Variants in NECTIN3 observed in about 807,000 individuals in gnomAD.
NECTIN3 encodes nectin-3.
A neutral mutation model predicts 49.4 loss-of-function variants in NECTIN3; 8 were observed. The ratio of observed to expected loss-of-function variants is 0.16; its 90% CI spans 0.10 to 0.29. The LOEUF (loss-of-function observed/expected upper bound fraction) is 0.29. Among genes scored for constraint, NECTIN3 ranks in the 10% least tolerant of loss-of-function variants. NECTIN3 has a pLI of 1.00. For missense variants in NECTIN3, 581 were observed against 654.6 expected (o/e 0.89, Z 1.23); for synonymous variants, 277 against 241.1 (o/e 1.15, Z -1.38).
chr3:111,087,061 C>T (rs2107379798), intron 1 of NECTIN3, among the ~76,000 whole-genome samples: 1 of 152,010 alleles, frequency 6.6e-6, no homozygotes, highest in South Asian at 2.1e-4. Context: ...ATGTAAAATG[C>T]AATCCATTTT....
Position 111,135,450 on chromosome 3 carries a change from GA to G in NECTIN3, c.*1238del. ...TCTGAATCATTTATCTTTTGAGAAA[GA>G]AATGTTACCTAAACTTCAAATGTGC... is the stretch of plus-strand genomic sequence containing the variant. On this transcript the variant is annotated 3_prime_UTR_variant, in exon 6 of 6. Coordinates refer to ENST00000485303, the MANE Select transcript of NECTIN3 (RefSeq NM_015480.3). The G allele has an allele frequency of 2.1e-6, 2 of 941,604 alleles. No homozygotes were observed. The highest frequency in any genetic ancestry group is 2.5e-6 in the Non-Finnish European group (2 of 790,322). 58.3% of individuals were successfully genotyped at this position (941,604 alleles called of 1,614,324 possible).
rs201236661 is a variant in NECTIN3, at chr3:111,112,005, T to C, written c.161-25T>C. ...GACCACTTTTTTCTATTTTAAAAATTGTAGTACTTTTTTTTCCTCCATAGG... is the reference window on the plus strand; with the variant it reads ...GACCACTTTTTTCTATTTTAAAAATCGTAGTACTTTTTTTTCCTCCATAGG... On this transcript the variant is annotated intron_variant, in intron 1 of 5. Coordinates refer to ENST00000485303, the MANE Select transcript of NECTIN3 (RefSeq NM_015480.3). The C allele has an allele frequency of 8.6e-5, 131 of 1,532,146 alleles. No individual in the cohort carries two copies. The East Asian group carries it at 2.1e-3, about 25-fold the overall frequency. 94.9% of individuals were successfully genotyped at this position (1,532,146 alleles called of 1,614,324 possible).
Position 111,118,964 on chromosome 3 carries a change from G to A in NECTIN3, c.799+12G>A. 1 of 1,551,802 alleles carries A rather than the reference G, an allele frequency of 6.4e-7. No homozygotes were observed. The highest frequency in any genetic ancestry group is 1.4e-5 in the African/African-American group (1 of 73,028). ...ATTAGACATACAGTGTAAGTAAATGGTAACATTTACTTTTTAAATATTTGT... is the reference window on the plus strand; with the variant it reads ...ATTAGACATACAGTGTAAGTAAATGATAACATTTACTTTTTAAATATTTGT... On this transcript the variant is annotated intron_variant, in intron 3 of 5. Coordinates refer to ENST00000485303, the MANE Select transcript of NECTIN3 (RefSeq NM_015480.3).
At chr3:111,093,619 A>G (rs976573142) in intron 1 of NECTIN3, among the ~76,000 whole-genome samples, 1 of 152,016 alleles carries the variant, frequency 6.6e-6, no homozygotes, top group Non-Finnish European at 1.5e-5. Flanking sequence ...TATTTTTAGT[A>G]GAAACGGGGT....
chr3:111,161,397 C>T (rs1428821542), intron 7 of NECTIN3, among the ~76,000 whole-genome samples: 1 of 152,068 alleles, frequency 6.6e-6, no homozygotes, highest in Non-Finnish European at 1.5e-5. Context: ...CCAGATCTCC[C>T]CTCATGAATA....
intron 1 of NECTIN3, among the ~76,000 whole-genome samples, chr3:111,110,738 A>G (rs1468745370): frequency 2.0e-5 from 3 of 152,084 alleles, no homozygotes; most frequent in Non-Finnish European, 4.4e-5. Context: ...AGCAATGGTT[A>G]AAAAACTGAA....
chr3:111,071,967 C>CCGGGGGAGCCGGGGGGCGGGCGGG lies in NECTIN3; in HGVS notation c.-48_-25dup. ...CCGCCCAGAGCCTGAGGCGCCGGGG[C>CCGGGGGAGCCGGGGGGCGGGCGGG]CGGGGGAGCCGGGGGGCGGGCGGGC... is the stretch of plus-strand genomic sequence containing the variant. On this transcript the variant is annotated 5_prime_UTR_variant, in exon 1 of 6. Coordinates refer to ENST00000485303, the MANE Select transcript of NECTIN3 (RefSeq NM_015480.3). 3 of 1,317,436 alleles carry CCGGGGGAGCCGGGGGGCGGGCGGG rather than the reference C, an allele frequency of 2.3e-6. No homozygotes were observed. Among genetic ancestry groups the CCGGGGGAGCCGGGGGGCGGGCGGG allele is most frequent in the Non-Finnish European group, 3.0e-6 (3 of 1,016,644 alleles). 81.6% of individuals were successfully genotyped at this position (1,317,436 alleles called of 1,614,324 possible). A position where few individuals can be genotyped will look rare whatever the true frequency, so the allele number is the denominator to read the frequency against.
At chr3:111,164,987 G>GT (rs1393832619) in intron 7 of NECTIN3, among the ~76,000 whole-genome samples, 1 of 152,070 alleles carries the variant, frequency 6.6e-6, no homozygotes, top group Admixed American at 6.6e-5. Flanking sequence ...TTTTACTATT[G>GT]AATACAGCTA....
chr3:111,114,626 G>T (rs1482293714), intron 2 of NECTIN3, among the ~76,000 whole-genome samples: 1 of 152,268 alleles, frequency 6.6e-6, no homozygotes, highest in South Asian at 2.1e-4. Context: ...AGGAGAAATA[G>T]TTGAGTCAGT....
At chr3:111,129,528 AT>A (rs2034299255) in intron 5 of NECTIN3, among the ~76,000 whole-genome samples, 5 of 152,222 alleles carry the variant, frequency 3.3e-5, no homozygotes, top group Admixed American at 3.3e-4. Flanking sequence ...ACAATCAGGA[AT>A]CAATTTACAA....
chr3:111,076,294 T>G (rs1400773925), intron 1 of NECTIN3, among the ~76,000 whole-genome samples: 2 of 152,148 alleles, frequency 1.3e-5, no homozygotes, highest in African/African-American at 4.8e-5. Context: ...TTTGACATTC[T>G]GTAACTTAAC....
intron 5 of NECTIN3, among the ~76,000 whole-genome samples, chr3:111,128,519 A>G (rs576450451): frequency 6.6e-6 from 1 of 152,228 alleles, no homozygotes; most frequent in South Asian, 2.1e-4. Flanking sequence ...GGTATTTACA[A>G]CTTAACATAT....
At chr3:111,154,675 G>C (rs1390759077) in intron 7 of NECTIN3, among the ~76,000 whole-genome samples, 1 of 152,074 alleles carries the variant, frequency 6.6e-6, no homozygotes, top group Non-Finnish European at 1.5e-5. Context: ...AAAAATTTTA[G>C]ATATTCTAAT....
chr3:111,094,502 C>T (rs1034934526), intron 1 of NECTIN3, among the ~76,000 whole-genome samples: 1 of 152,172 alleles, frequency 6.6e-6, no homozygotes. Flanking sequence ...CAAGACTACC[C>T]TCAGATTCAG....
chr3:111,092,609 G>A (rs1352658648), intron 1 of NECTIN3, among the ~76,000 whole-genome samples: 2 of 124,486 alleles, frequency 1.6e-5, no homozygotes, highest in Non-Finnish European at 3.8e-5. Context: ...TGATAAATGT[G>A]ATGGTTTATC....
intron 4 of NECTIN3, among the ~76,000 whole-genome samples, chr3:111,125,243 G>C (rs952817424): frequency 1.5e-4 from 23 of 151,646 alleles, no homozygotes; most frequent in African/African-American, 5.3e-4. Flanking sequence ...TGGCCAGGCT[G>C]GTCTCTGACT....
intron 7 of NECTIN3, among the ~76,000 whole-genome samples, chr3:111,176,742 G>A (rs929526019): frequency 6.6e-6 from 1 of 151,650 alleles, no homozygotes; most frequent in African/African-American, 2.4e-5. Context: ...AAAAATACAT[G>A]TAAAAATATG....
At chr3:111,107,130 T>TA (rs2033216809) in intron 1 of NECTIN3, among the ~76,000 whole-genome samples, 1 of 152,024 alleles carries the variant, frequency 6.6e-6, no homozygotes, top group African/African-American at 2.4e-5. Flanking sequence ...CATTTTTTTT[T>TA]AAAAAACCCA....
intron 2 of NECTIN3, among the ~76,000 whole-genome samples, chr3:111,114,444 C>G (rs907907011): frequency 6.6e-6 from 1 of 152,086 alleles, no homozygotes; most frequent in Non-Finnish European, 1.5e-5. Flanking sequence ...AGTTACCACA[C>G]TATTATGTTT....
Sources: allele counts gnomAD v4.1 joint callset (sites outside exome capture counted in the v4.1 genomes callset), GRCh38; gene constraint gnomAD v4.1.1; transcripts MANE v1.5; gene names NCBI Gene and HGNC (gene_info 2026-07-23, HGNC 2026-07-21).